CHL1: variants seen among roughly 807,000 people sequenced by gnomAD.
The protein encoded by CHL1 is cell adhesion molecule L1 like.
A neutral mutation model predicts 141.9 loss-of-function variants in CHL1; 96 were observed. The ratio of observed to expected loss-of-function variants is 0.68; its 90% CI spans 0.57 to 0.80. The LOEUF is 0.80. Ranked by LOEUF, CHL1 falls within the 30% of genes least tolerant of loss-of-function variation. The pLI is 0.00. For synonymous variants in CHL1, 613 were observed against 502.2 expected (o/e 1.22, Z -2.95); for missense variants, 1,820 against 1,457.2 (o/e 1.25, Z -4.05).
rs369270486 is a variant in CHL1 at position 340,789 on chromosome 3, A to G, written c.386-5A>G. 1.4e-5 allele frequency: 23 copies of G among 1,602,614 alleles called. No individual in the cohort carries two copies. In the East Asian group the frequency reaches 5.1e-4, roughly 36 times the overall value. ...ATAACACATTAAAATGATTTTTTAC[A>G]CCAGGTGTTCCAAAATTCCCAAAAG... On this transcript the variant is annotated splice_region_variant and splice_polypyrimidine_tract_variant and intron_variant, in intron 5 of 27. Coordinates refer to ENST00000256509, the MANE Select transcript of CHL1 (RefSeq NM_006614.4).
intron 1 of CHL1, among the ~76,000 whole-genome samples, chr3:204,053 T>G (rs1322780854): frequency 6.6e-6 from 1 of 152,236 alleles, no homozygotes; most frequent in East Asian, 1.9e-4. Context: ...TCTTCTTTCT[T>G]TCATTGCCCG....
chr3:318,665 G>A (rs1233851092), intron 2 of CHL1, among the ~76,000 whole-genome samples: 2 of 150,882 alleles, frequency 1.3e-5, no homozygotes, highest in African/African-American at 4.9e-5. Flanking sequence ...TCTTCTGCTT[G>A]AACCAAACTC....
intron 3 of CHL1, among the ~76,000 whole-genome samples, chr3:325,131 C>T (rs1403848630): frequency 6.7e-6 from 1 of 148,652 alleles, no homozygotes; most frequent in Non-Finnish European, 1.5e-5. Context: ...ATAACAAACA[C>T]TAAACAAGCC....
At chr3:397,729 C>A (rs751489326) in intron 24 of CHL1, among the ~76,000 whole-genome samples, 2 of 152,040 alleles carry the variant, frequency 1.3e-5, no homozygotes, top group Admixed American at 1.3e-4. Context: ...CTGCATTTCA[C>A]GTAGTTTGGA....
chr3:255,067 A>G (rs1194827849), intron 2 of CHL1, among the ~76,000 whole-genome samples: 1 of 152,178 alleles, frequency 6.6e-6, no homozygotes, highest in East Asian at 1.9e-4. Flanking sequence ...TTTTTGCTGC[A>G]TGAATTTGTA....
At chr3:281,041 C>A (rs903140767) in intron 2 of CHL1, among the ~76,000 whole-genome samples, 2 of 152,062 alleles carry the variant, frequency 1.3e-5, no homozygotes, top group African/African-American at 4.8e-5. Flanking sequence ...GGACATCTGA[C>A]AATGTCTAGA....
chr3:201,451 T>A (rs1575589984), intron 1 of CHL1, among the ~76,000 whole-genome samples: 2 of 152,228 alleles, frequency 1.3e-5, no homozygotes, highest in Non-Finnish European at 2.9e-5. Flanking sequence ...TAGTGAAGAA[T>A]ACAACTTGTG....
chr3:259,303 C>G (rs1694480776), intron 2 of CHL1, among the ~76,000 whole-genome samples: 1 of 150,116 alleles, frequency 6.7e-6, no homozygotes, highest in Non-Finnish European at 1.5e-5. Context: ...TGTGTGCGTG[C>G]TTGTGTGTGT....
chr3:258,135 A>G (rs181215704), intron 2 of CHL1, among the ~76,000 whole-genome samples: 2 of 152,304 alleles, frequency 1.3e-5, no homozygotes, highest in Admixed American at 1.3e-4. Flanking sequence ...AACTGCATCA[A>G]TTTAAAACGT....
At chr3:375,543 G>A (rs775069527) in intron 15 of CHL1, among the ~76,000 whole-genome samples, 6 of 151,726 alleles carry the variant, frequency 4.0e-5, no homozygotes, top group Non-Finnish European at 8.8e-5. Flanking sequence ...AGGAAATAAG[G>A]TAATTTGTTC....
chr3:377,769 C>T, intron 15 of CHL1, 49 bp from the exon 16 acceptor site: 1 of 1,497,084 alleles, frequency 6.7e-7, no homozygotes, highest in South Asian at 1.2e-5. Context: ...GGGTTTCTAT[C>T]ATTTCTATTG....
intron 2 of CHL1, among the ~76,000 whole-genome samples, chr3:265,196 T>C (rs1017034291): frequency 6.6e-6 from 1 of 152,214 alleles, no homozygotes; most frequent in Non-Finnish European, 1.5e-5. Context: ...GTTCACATTC[T>C]TGCTTCCATT....
At chr3:260,953 C>A (rs1275152310) in intron 2 of CHL1, among the ~76,000 whole-genome samples, 2 of 152,162 alleles carry the variant, frequency 1.3e-5, no homozygotes, top group South Asian at 2.1e-4. Context: ...GTTTGAGAAG[C>A]CATTCCGTCG....
At chr3:271,497 G>C (rs1332480189) in intron 2 of CHL1, among the ~76,000 whole-genome samples, 1 of 152,118 alleles carries the variant, frequency 6.6e-6, no homozygotes, top group Non-Finnish European at 1.5e-5. Flanking sequence ...ATATATAGTA[G>C]CTCTTATTAT....
rs557952137 is a variant in CHL1 at position 319,478 on chromosome 3, C to T, written c.-94-205C>T. Reference sequence around the variant, plus strand: ...ATTTTTTGGAATAGTCTGTGGTTTACAATAGAGTATATATTCGCTGTCCTT... The same window carrying T: ...ATTTTTTGGAATAGTCTGTGGTTTATAATAGAGTATATATTCGCTGTCCTT... On this transcript the variant is annotated intron_variant, in intron 2 of 27. Coordinates refer to ENST00000256509, the MANE Select transcript of CHL1 (RefSeq NM_006614.4). 1.2e-4 allele frequency among the ~76,000 whole-genome samples: 17 copies of T among 146,356 alleles called. No individual in the cohort carries two copies. The South Asian group carries it at 3.1e-3, about 26-fold the overall frequency.
chr3:401,471 G>C (rs1018999191), intron 26 of CHL1, among the ~76,000 whole-genome samples, 155 bp from the exon 27 acceptor site: 8 of 152,016 alleles, frequency 5.3e-5, no homozygotes, highest in Non-Finnish European at 1.0e-4. Flanking sequence ...GCAACTGATG[G>C]GCTGTAGGTA....
intron 2 of CHL1, among the ~76,000 whole-genome samples, chr3:316,611 A>T (rs1185302331): frequency 6.6e-6 from 1 of 151,944 alleles, no homozygotes; most frequent in Admixed American, 6.6e-5. Context: ...GCTTCATGTG[A>T]CTTAACTTCA....
At chr3:270,206 C>T (rs1438056516) in intron 2 of CHL1, among the ~76,000 whole-genome samples, 1 of 150,946 alleles carries the variant, frequency 6.6e-6, no homozygotes, top group Non-Finnish European at 1.5e-5. Context: ...GAATCAAATG[C>T]ATAAAGGCAT....
At chr3:396,568 C>T (rs192724059) in intron 24 of CHL1, among the ~76,000 whole-genome samples, 1 of 152,234 alleles carries the variant, frequency 6.6e-6, no homozygotes, top group African/African-American at 2.4e-5. Flanking sequence ...AAGTGCTGTT[C>T]ATGTGATTTT....
Sources: gnomAD v4.1 joint callset for allele counts (sites outside exome capture counted in the v4.1 genomes callset) on GRCh38, gnomAD v4.1.1 for gene constraint, MANE v1.5 for transcripts, NCBI Gene and HGNC (gene_info 2026-07-23, HGNC 2026-07-21) for gene names.